Variants in FANCL observed in about 807,000 individuals in gnomAD.
The protein encoded by FANCL is E3 ubiquitin-protein ligase FANCL.
FANCL carries 69 observed loss-of-function variants against 59.4 expected under a neutral mutation model. The observed-to-expected ratio is 1.16, with a 90% CI of 0.96 to 1.42. FANCL has a LOEUF of 1.42. FANCL is among the 40% of genes most tolerant of loss of function. The pLI is 0.00. For missense variants in FANCL, 519 were observed against 447.2 expected (o/e 1.16, Z -1.45); for synonymous variants, 180 against 147.1 (o/e 1.22, Z -1.62).
At chr2:58,207,524 C>T (rs1171284931) in intron 5 of FANCL, among the ~76,000 whole-genome samples, 1 of 152,164 alleles carries the variant, frequency 6.6e-6, no homozygotes, top group Non-Finnish European at 1.5e-5. Flanking sequence ...CCACTCTTGA[C>T]CATCTGCCTA....
chr2:58,204,604 A>C (rs891753418), intron 5 of FANCL, among the ~76,000 whole-genome samples: 5 of 152,116 alleles, frequency 3.3e-5, no homozygotes, highest in Admixed American at 2.6e-4. Flanking sequence ...GTAGTTTCAT[A>C]CAGTATGAGA....
At chr2:58,220,761 AATAAG>A (rs1458966176) in intron 5 of FANCL, among the ~76,000 whole-genome samples, 1 of 152,234 alleles carries the variant, frequency 6.6e-6, no homozygotes, top group Non-Finnish European at 1.5e-5. Context: ...ACAGATGAAT[AATAAG>A]ATGTTTAAAA....
chr2:58,213,768 T>G (rs1311260569), intron 5 of FANCL: 1 of 151,526 alleles, frequency 6.6e-6, no homozygotes, highest in Non-Finnish European at 1.5e-5. Flanking sequence ...CCTTAGTAAC[T>G]ATAATTAAAC....
In FANCL at chr2:58,177,783, A is replaced by T. The variant is rs1011750283; in HGVS notation, c.541-11909T>A. ...GTACACTAAAACTTAATAATAAAAT[A>T]AAAAAGATTAAAAAAAAAAGAAAAA... On this transcript the variant is annotated intron_variant, in intron 7 of 13. Coordinates refer to ENST00000233741, the MANE Select transcript of FANCL (RefSeq NM_018062.4). Among the ~76,000 whole-genome samples the T allele has an allele frequency of 6.0e-5, 9 of 150,396 alleles. No individual in the cohort carries two copies. In the East Asian group the frequency reaches 1.2e-3, roughly 20 times the overall value.
chr2:58,217,177 T>G (rs796277560), intron 5 of FANCL, among the ~76,000 whole-genome samples: 13 of 9,204 alleles, frequency 1.4e-3, no homozygotes, highest in South Asian at 4.7e-3. Context: ...TATATATATA[T>G]ATATATATAT....
At chr2:58,188,604 C>A (rs532568618) in intron 7 of FANCL, among the ~76,000 whole-genome samples, 201 of 151,906 alleles carry the variant, frequency 1.3e-3, no homozygotes, top group Non-Finnish European at 1.9e-3. Flanking sequence ...CCACACCCAG[C>A]TGATTTTTGT....
intron 5 of FANCL, among the ~76,000 whole-genome samples, chr2:58,212,721 TG>T (rs1485605180): frequency 3.3e-5 from 5 of 152,160 alleles, no homozygotes; most frequent in African/African-American, 1.2e-4. Flanking sequence ...GACATCATTT[TG>T]TATCACTTAC....
chr2:58,217,944 C>A (rs1036071980), intron 5 of FANCL, among the ~76,000 whole-genome samples: 1 of 151,992 alleles, frequency 6.6e-6, no homozygotes, highest in African/African-American at 2.4e-5. Flanking sequence ...TGACAAGGTG[C>A]TGGGTCATAA....
At chr2:58,160,314 G>A (rs1261823013) in intron 12 of FANCL, 135 bp from the exon 13 acceptor site, 19 of 846,060 alleles carry the variant, frequency 2.2e-5, no homozygotes, top group Non-Finnish European at 3.6e-5. Context: ...TTTTGCAAGA[G>A]TAAGGGATGT....
At chr2:58,236,605 C>T (rs1180352609) in intron 1 of FANCL, among the ~76,000 whole-genome samples, 1 of 151,854 alleles carries the variant, frequency 6.6e-6, no homozygotes, top group Non-Finnish European at 1.5e-5. Flanking sequence ...AAACACACAG[C>T]AAGAGTAGAT....
At chr2:58,200,628 C>A (rs181526368) in intron 6 of FANCL, among the ~76,000 whole-genome samples, 118 of 151,532 alleles carry the variant, frequency 7.8e-4, no homozygotes, top group Non-Finnish European at 1.4e-3. Flanking sequence ...TATCTGTGGC[C>A]CCATTAAGTA....
rs568466531 is a variant in FANCL at position 58,211,831 on chromosome 2, C to T, written c.375-7605G>A. 2.0e-5 allele frequency among the ~76,000 whole-genome samples: 3 copies of T among 152,292 alleles called. No homozygotes were observed. In the East Asian group the frequency reaches 5.8e-4, roughly 29 times the overall value. On this transcript the variant is annotated intron_variant, in intron 5 of 13. Transcript: ENST00000233741. ...CCTTTGCTCCAGTTCCCAACAAATT[C>T]CTCACCTCCATCTGAGACCACCTCA...
At chr2:58,180,731 A>G (rs1311029422) in intron 7 of FANCL, among the ~76,000 whole-genome samples, 3 of 151,964 alleles carry the variant, frequency 2.0e-5, no homozygotes, top group Non-Finnish European at 4.4e-5. Context: ...AAATACAATA[A>G]AAATAGCCAC....
chr2:58,165,568 AC>A (rs1685830151), intron 8 of FANCL, among the ~76,000 whole-genome samples, 155 bp downstream of exon 8: 3 of 152,212 alleles, frequency 2.0e-5, no homozygotes. Flanking sequence ...TAAAATATTT[AC>A]ATTTAAATGT....
At chr2:58,172,057 G>A (rs924125340) in intron 7 of FANCL, among the ~76,000 whole-genome samples, 6 of 152,348 alleles carry the variant, frequency 3.9e-5, no homozygotes, top group Admixed American at 1.3e-4. Flanking sequence ...AGGGGCGCCC[G>A]CCATTGCCCA....
At chr2:58,193,007 A>C (rs1689085530) in intron 7 of FANCL, among the ~76,000 whole-genome samples, 1 of 152,048 alleles carries the variant, frequency 6.6e-6, no homozygotes, top group Non-Finnish European at 1.5e-5. Flanking sequence ...TTGCATTAAA[A>C]ATAACAAAAA....
At chr2:58,183,973 T>C (rs187759416) in intron 7 of FANCL, among the ~76,000 whole-genome samples, 259 of 152,080 alleles carry the variant, frequency 1.7e-3, no homozygotes, top group African/African-American at 6.0e-3. Context: ...TAATTGTGGA[T>C]GGTACAAGAG....
chr2:58,168,741 G>A (rs1056021507), intron 7 of FANCL, among the ~76,000 whole-genome samples: 1 of 152,024 alleles, frequency 6.6e-6, no homozygotes, highest in Non-Finnish European at 1.5e-5. Flanking sequence ...AAGTAGACCT[G>A]GGGCACTCAA....
At chr2:58,225,749 C>A (rs1463708048) in intron 4 of FANCL, among the ~76,000 whole-genome samples, 2 of 151,924 alleles carry the variant, frequency 1.3e-5, no homozygotes, top group Non-Finnish European at 2.9e-5. Context: ...GAATATCTTA[C>A]AAGCCAAATC....
Sources: gnomAD v4.1 joint callset for allele counts (sites outside exome capture counted in the v4.1 genomes callset) on GRCh38, gnomAD v4.1.1 for gene constraint, MANE v1.5 for transcripts, NCBI Gene and HGNC (gene_info 2026-07-23, HGNC 2026-07-21) for gene names.